RETREG1: variants seen among roughly 807,000 people sequenced by gnomAD.
The protein encoded by RETREG1 is family with sequence similarity 134 member B.
RETREG1 carries 44 observed loss-of-function variants against 54.8 expected under a neutral mutation model. The ratio of observed to expected loss-of-function variants is 0.80; its 90% confidence interval spans 0.63 to 1.03. The LOEUF is 1.03. RETREG1 is among the 50% of genes least tolerant of loss of function. RETREG1 has a pLI of 0.00. For synonymous variants in RETREG1, 217 were observed against 238.5 expected, an observed-to-expected ratio of 0.91 and a Z score of 0.83; for missense variants, 554 against 605.1, an observed-to-expected ratio of 0.92 and a Z score of 0.89.
At chr5:16,579,557 A>G (rs779656525) in intron 1 of RETREG1, among the ~76,000 whole-genome samples, 1 of 152,214 alleles carries the variant, frequency 6.6e-6, no homozygotes, top group Non-Finnish European at 1.5e-5. Context: ...CCACCATTAT[A>G]GTATCATACA....
At chr5:16,517,372 G>T (rs1209241232) in intron 3 of RETREG1, among the ~76,000 whole-genome samples, 1 of 152,150 alleles carries the variant, frequency 6.6e-6, no homozygotes, top group Non-Finnish European at 1.5e-5. Flanking sequence ...TTAAGGCAGG[G>T]ATGTTCTTGT....
intron 4 of RETREG1, among the ~76,000 whole-genome samples, chr5:16,482,446 T>C (rs182994911): frequency 6.8e-6 from 1 of 147,058 alleles, no homozygotes; most frequent in East Asian, 2.0e-4. Flanking sequence ...TAGGTATCTA[T>C]GCTAAAAAAA....
intron 1 of RETREG1, among the ~76,000 whole-genome samples, chr5:16,610,101 C>T (rs752114646): frequency 2.0e-5 from 3 of 152,136 alleles, no homozygotes; most frequent in African/African-American, 7.2e-5. Flanking sequence ...ATGGCTCTAA[C>T]GCAAGCTGGG....
intron 1 of RETREG1, among the ~76,000 whole-genome samples, chr5:16,591,660 G>A (rs1220572621): frequency 6.6e-6 from 1 of 152,184 alleles, no homozygotes; most frequent in Non-Finnish European, 1.5e-5. Context: ...CAGTACACAG[G>A]GGTGCAAACA....
Position 16,478,896 on chromosome 5 carries a change from A to G in RETREG1, c.762T>C (p.Asp254=), listed in dbSNP as rs754610295. The part of the protein sequence containing the change: ...SKIKSVLLKL[D]FGIGEYINQK... The stretch of plus-strand genomic sequence containing the variant: ...GATTAATATATTCTCCAATTCCAAA[A>G]TCCAGTTTCAGCAGAACTGACTTAA... Residue 254 remains aspartate, a synonymous_variant, in exon 6 of 9, where the codon GAT becomes GAC. Transcript: ENST00000306320. 6.2e-7 allele frequency: 1 copy of G among 1,612,390 alleles called. No homozygotes were observed. The highest frequency in any genetic ancestry group is 1.3e-5 in the African/African-American group (1 of 74,848).
intron 3 of RETREG1, among the ~76,000 whole-genome samples, chr5:16,525,394 C>G (rs115479306): frequency 1.3e-5 from 2 of 152,158 alleles, no homozygotes; most frequent in East Asian, 1.9e-4. Flanking sequence ...CCTTCCCCCC[C>G]GCCACGAAAG....
At chr5:16,590,315 C>T (rs1426009055) in intron 1 of RETREG1, among the ~76,000 whole-genome samples, 1 of 152,134 alleles carries the variant, frequency 6.6e-6, no homozygotes, top group Non-Finnish European at 1.5e-5. Context: ...CCTGCGGTAA[C>T]AAAAAAGCCC....
chr5:16,491,500 A>T (rs1739244202), intron 3 of RETREG1, among the ~76,000 whole-genome samples: 1 of 152,246 alleles, frequency 6.6e-6, no homozygotes, highest in Non-Finnish European at 1.5e-5. Flanking sequence ...AAAAATAATT[A>T]ACAGTGGTTA....
rs1741841864 is a variant in RETREG1, at chr5:16,561,063, C to CATT, written c.458+4697_458+4699dup. Among the ~76,000 whole-genome samples the CATT allele has an allele frequency of 6.6e-6, 1 of 152,160 alleles. No individual in the cohort carries two copies. Among genetic ancestry groups the CATT allele is most frequent in the East Asian group, 1.9e-4 (1 of 5,182 alleles). On this transcript the variant is annotated intron_variant, in intron 3 of 8. Transcript: ENST00000306320. The surrounding 1 kb of genome is among the most constrained non-coding windows in gnomAD (Gnocchi z 4.2). ...CTTGCAACAGTTCACTTGTACCTCCCATTAACCAGATGAAAACCTGAGGCC... is the reference window on the plus strand; with the variant it reads ...CTTGCAACAGTTCACTTGTACCTCCCATTATTAACCAGATGAAAACCTGAGGCC...
intron 3 of RETREG1, among the ~76,000 whole-genome samples, chr5:16,510,937 G>A (rs1740155522): frequency 6.6e-6 from 1 of 150,472 alleles, no homozygotes; most frequent in South Asian, 2.1e-4. Flanking sequence ...TGAGCTTCTA[G>A]CTTACTATTT....
At chr5:16,596,399 C>T (rs773919835) in intron 1 of RETREG1, among the ~76,000 whole-genome samples, 5 of 152,202 alleles carry the variant, frequency 3.3e-5, no homozygotes, top group Non-Finnish European at 7.3e-5. Context: ...ACTGGCAAAA[C>T]ACATGCAAAA....
intron 1 of RETREG1, among the ~76,000 whole-genome samples, chr5:16,578,305 C>G (rs1318326746): frequency 1.3e-5 from 2 of 152,166 alleles, no homozygotes; most frequent in Non-Finnish European, 2.9e-5. Context: ...GTCAGACTCT[C>G]TTGAACACGG....
At chr5:16,493,342 C>G (rs1739328176) in intron 3 of RETREG1, among the ~76,000 whole-genome samples, 2 of 152,148 alleles carry the variant, frequency 1.3e-5, no homozygotes, top group South Asian at 4.1e-4. Flanking sequence ...ATTTTAATAA[C>G]TAGACTTTCA....
intron 3 of RETREG1, among the ~76,000 whole-genome samples, chr5:16,507,845 T>C (rs1323104435): frequency 6.6e-6 from 1 of 152,244 alleles, no homozygotes; most frequent in Non-Finnish European, 1.5e-5. Flanking sequence ...TAATGTTCTG[T>C]CTACTTCATA....
At chr5:16,503,631 C>T (rs1739812250) in intron 3 of RETREG1, among the ~76,000 whole-genome samples, 1 of 147,436 alleles carries the variant, frequency 6.8e-6, no homozygotes, top group African/African-American at 2.5e-5. Context: ...TCACTGCACT[C>T]CAGCCTGGGC....
At chr5:16,531,825 G>A (rs906435731) in intron 3 of RETREG1, among the ~76,000 whole-genome samples, 1 of 152,154 alleles carries the variant, frequency 6.6e-6, no homozygotes. Flanking sequence ...GACCATCACT[G>A]AGTTTGGCTG....
At chr5:16,478,121 G>T (rs1415314111) in intron 6 of RETREG1, 23 bp from the exon 7 acceptor site, 9 of 1,561,930 alleles carry the variant, frequency 5.8e-6, no homozygotes, top group Non-Finnish European at 7.1e-6. Flanking sequence ...AAATTTGGAA[G>T]CTTTCAGTTT....
chr5:16,539,494 CAG>C (rs1741177464), intron 3 of RETREG1, among the ~76,000 whole-genome samples: 1 of 152,120 alleles, frequency 6.6e-6, no homozygotes, highest in Non-Finnish European at 1.5e-5. Flanking sequence ...CGGAGCGAGC[CAG>C]GAGACAAGGA....
At chr5:16,600,067 C>T (rs541200672) in intron 1 of RETREG1, among the ~76,000 whole-genome samples, 3 of 152,256 alleles carry the variant, frequency 2.0e-5, no homozygotes, top group Non-Finnish European at 4.4e-5. Flanking sequence ...GTGGCGTGAC[C>T]TCGGCTCACT....
Sources: gnomAD v4.1 joint callset for allele counts (sites outside exome capture counted in the v4.1 genomes callset) on GRCh38, gnomAD v4.1.1 for gene constraint, Gnocchi (gnomAD v3.1) non-coding constraint, MANE v1.5 for transcripts, NCBI Gene and HGNC (gene_info 2026-07-23, HGNC 2026-07-21) for gene names.